Variants in DMXL1 observed in about 807,000 individuals in gnomAD.
The protein encoded by DMXL1 is Dmx like 1, also known as dmX-like protein 1.
Under a neutral mutation model 319.2 loss-of-function variants are expected in DMXL1, and 99 were observed. The ratio of observed to expected loss-of-function variants is 0.31; its 90% CI spans 0.26 to 0.37. The LOEUF is 0.37. DMXL1 is among the 10% of genes least tolerant of loss of function. DMXL1 has a pLI of 1.00. For missense variants in DMXL1, 3,745 were observed against 3,595.6 expected (o/e 1.04, Z -1.06); for synonymous variants, 1,385 against 1,235.2 (o/e 1.12, Z -2.54).
chr5:119,090,037 T>G (rs1022929406), intron 1 of DMXL1, among the ~76,000 whole-genome samples: 3 of 121,218 alleles, frequency 2.5e-5, no homozygotes, highest in Non-Finnish European at 3.4e-5. Context: ...TTTTTTTTTT[T>G]GAGAAGGACT....
At chr5:119,115,413 A>AT (rs1760622125) in intron 6 of DMXL1, among the ~76,000 whole-genome samples, 1 of 152,180 alleles carries the variant, frequency 6.6e-6, no homozygotes, top group Non-Finnish European at 1.5e-5. Context: ...CTTTGAAGTT[A>AT]TTTTTATTCA....
rs200751226 is a variant in DMXL1, at chr5:119,152,013, A to G, written c.4679A>G (p.Tyr1560Cys). The change falls in exon 19 of 44, where the codon TAT (tyrosine) becomes TGT (cysteine). Residue 1560 changes from tyrosine (Y) to cysteine (C), a missense_variant. Transcript: ENST00000539542. ...HTFLTTSLPA[Y>C]RAQLLHQGLS... is the part of the protein sequence containing the mutation. ...TTTCTTACAACTTCCCTTCCAGCCT[A>G]TCGAGCTCAACTCCTTCACCAAGGT... 14 of 1,612,232 alleles carry G rather than the reference A, an allele frequency of 8.7e-6. No homozygotes were observed. Among genetic ancestry groups the G allele is most frequent in the Admixed American group, 3.3e-5 (2 of 59,858 alleles).
chr5:119,144,734 T>A, intron 15 of DMXL1, 96 bp downstream of exon 15: 1 of 730,618 alleles, frequency 1.4e-6, no homozygotes, highest in Non-Finnish European at 2.1e-6. Context: ...ATTGTCTATT[T>A]GAAGTAAAAA....
intron 32 of DMXL1, among the ~76,000 whole-genome samples, chr5:119,202,917 TTATA>T (rs1242742505): frequency 2.9e-5 from 4 of 139,128 alleles, no homozygotes; most frequent in African/African-American, 1.2e-4. Context: ...TTATATATTT[TTATA>T]TATATATAAT....
chr5:119,112,306 G>A (rs1188743682), intron 5 of DMXL1, among the ~76,000 whole-genome samples: 3 of 152,216 alleles, frequency 2.0e-5, no homozygotes, highest in Middle Eastern at 3.4e-3. Context: ...GATTCAACAG[G>A]CTTAATTTTT....
chr5:119,202,203 T>A (rs931600558), intron 32 of DMXL1, among the ~76,000 whole-genome samples: 2 of 152,186 alleles, frequency 1.3e-5, no homozygotes, highest in African/African-American at 4.8e-5. Context: ...ATGTGGACAT[T>A]TAGTGCTGTG....
At position 119,221,055 on chromosome 5, in the gene DMXL1, A is replaced by G; in HGVS notation, c.8251A>G (p.Thr2751Ala). 1 of 1,613,352 alleles carries G rather than the reference A, an allele frequency of 6.2e-7. No individual in the cohort carries two copies. Among genetic ancestry groups the G allele is most frequent in the Non-Finnish European group, 8.5e-7 (1 of 1,179,592 alleles). ...TPINMPWLGS[T>A]QTGRGASVMI... Reference sequence around the variant, plus strand: ...AATCAACATGCCATGGCTTGGTAGTACACAGACTGGCAGAGGAGCATCTGT... The same window carrying G: ...AATCAACATGCCATGGCTTGGTAGTGCACAGACTGGCAGAGGAGCATCTGT... Residue 2751 changes from threonine (T) to alanine (A), a missense_variant, in exon 37 of 44, where the codon ACA (threonine) becomes GCA (alanine). By Grantham distance (58) the Thr-to-Ala change is moderately conservative. This residue lies in a region of DMXL1 where 1,382 missense variants were observed against 1,269.5 expected (regional missense o/e 1.09). Coordinates refer to ENST00000539542, the MANE Select transcript of DMXL1 (RefSeq NM_001290321.3).
intron 34 of DMXL1, among the ~76,000 whole-genome samples, chr5:119,209,235 C>G (rs1366670382): frequency 6.6e-6 from 1 of 152,022 alleles, no homozygotes; most frequent in Non-Finnish European, 1.5e-5. Context: ...AGTAGAAAGA[C>G]TGGATCATGT....
At chr5:119,105,800 G>A (rs1758208815) in intron 4 of DMXL1, among the ~76,000 whole-genome samples, 1 of 151,972 alleles carries the variant, frequency 6.6e-6, no homozygotes, top group Admixed American at 6.6e-5. Context: ...GGGAGGCTGA[G>A]GCTAGAGAAT....
At chr5:119,187,743 A>C (rs1392824884) in intron 28 of DMXL1, among the ~76,000 whole-genome samples, 3 of 151,592 alleles carry the variant, frequency 2.0e-5, no homozygotes, top group Non-Finnish European at 4.4e-5. Context: ...GCTCACTGCA[A>C]CCTCCCCCTC....
chr5:119,214,760 G>A (rs753581574), intron 34 of DMXL1, among the ~76,000 whole-genome samples: 4 of 152,162 alleles, frequency 2.6e-5, no homozygotes, highest in Non-Finnish European at 5.9e-5. Context: ...AGTAAATAAT[G>A]AGGACAGGAA....
chr5:119,183,803 T>C (rs941955806), intron 28 of DMXL1, among the ~76,000 whole-genome samples: 6 of 152,124 alleles, frequency 3.9e-5, no homozygotes, highest in Non-Finnish European at 7.4e-5. Flanking sequence ...CCATATAATA[T>C]AAATTTTAAT....
At chr5:119,226,475 T>C (rs1250760364) in intron 38 of DMXL1, among the ~76,000 whole-genome samples, 1 of 152,216 alleles carries the variant, frequency 6.6e-6, no homozygotes, top group African/African-American at 2.4e-5. Context: ...GTACATTTTA[T>C]AATTTTCTGA....
At chr5:119,074,215 A>G (rs1580526740) in intron 1 of DMXL1, among the ~76,000 whole-genome samples, 1 of 152,178 alleles carries the variant, frequency 6.6e-6, no homozygotes, top group Admixed American at 6.5e-5. Flanking sequence ...CACTGCACCC[A>G]GCCTTGAGTG....
intron 1 of DMXL1, among the ~76,000 whole-genome samples, chr5:119,092,908 A>G (rs947119918): frequency 8.5e-5 from 13 of 152,212 alleles, no homozygotes; most frequent in Admixed American, 1.3e-4. Flanking sequence ...GTTGATGGAC[A>G]TTTGAGTTGT....
intron 1 of DMXL1, among the ~76,000 whole-genome samples, chr5:119,080,769 T>A (rs976344874): frequency 6.6e-6 from 1 of 152,154 alleles, no homozygotes; most frequent in Non-Finnish European, 1.5e-5. Context: ...TTACTGTACT[T>A]TTCTAGTCTC....
At chr5:119,123,116 C>G (rs973782781) in intron 9 of DMXL1, among the ~76,000 whole-genome samples, 1 of 152,100 alleles carries the variant, frequency 6.6e-6, no homozygotes, top group Non-Finnish European at 1.5e-5. Flanking sequence ...GCCCGGCCAA[C>G]ACAGCGAAAT....
At chr5:119,144,749 G>T in intron 15 of DMXL1, 111 bp downstream of exon 15, 2 of 613,814 alleles carry the variant, frequency 3.3e-6, no homozygotes, top group Non-Finnish European at 5.4e-6. Context: ...TAAAAATTGG[G>T]GTAGGTTTGT....
chr5:119,078,841 T>C (rs1751568331), intron 1 of DMXL1, among the ~76,000 whole-genome samples: 1 of 152,248 alleles, frequency 6.6e-6, no homozygotes, highest in South Asian at 2.1e-4. Flanking sequence ...TTCTTGACCT[T>C]ATTACCTGTT....
Sources: allele counts gnomAD v4.1 joint callset (sites outside exome capture counted in the v4.1 genomes callset), GRCh38; gene constraint gnomAD v4.1.1; regional missense constraint gnomAD v4.1.1; transcripts MANE v1.5; gene names NCBI Gene and HGNC (gene_info 2026-07-23, HGNC 2026-07-21).